KIAA2012: variants seen among roughly 807,000 people sequenced by gnomAD.
The protein encoded by KIAA2012 is uncharacterized protein KIAA2012.
A neutral mutation model predicts 150.6 loss-of-function variants in KIAA2012; 125 were observed. The observed-to-expected ratio is 0.83, with a 90% CI of 0.72 to 0.96. The LOEUF is 0.96. KIAA2012 is among the 40% of genes least tolerant of loss of function. The pLI is 0.00. For missense variants in KIAA2012, 1,219 were observed against 1,354.9 expected (o/e 0.90, Z 1.57); for synonymous variants, 462 against 504.7 (o/e 0.92, Z 1.13).
intron 2 of KIAA2012, among the ~76,000 whole-genome samples, chr2:202,085,764 A>G (rs1422277772): frequency 6.6e-6 from 1 of 152,190 alleles, no homozygotes; most frequent in Non-Finnish European, 1.5e-5. Context: ...GCAAAAATAT[A>G]TGTAAATACT....
At chr2:202,194,402 T>A in intron 21 of KIAA2012, 40 bp downstream of exon 21, 1 of 1,545,786 alleles carries the variant, frequency 6.5e-7, no homozygotes, top group Non-Finnish European at 8.7e-7. Context: ...CTCTTCTACT[T>A]GGGGCAGAAA....
At chr2:202,111,500 A>G (rs1468442873) in intron 10 of KIAA2012, among the ~76,000 whole-genome samples, 1 of 119,018 alleles carries the variant, frequency 8.4e-6, no homozygotes, top group African/African-American at 3.5e-5. Context: ...ACAGAGCAAG[A>G]CTCTGTCTCA....
At chr2:202,123,350 G>C (rs1010372372) in intron 11 of KIAA2012, among the ~76,000 whole-genome samples, 1 of 151,996 alleles carries the variant, frequency 6.6e-6, no homozygotes, top group African/African-American at 2.4e-5. Context: ...ATCTCTCTCC[G>C]TTTAATCCAG....
At chr2:202,173,914 C>A (rs1691943408) in intron 15 of KIAA2012, among the ~76,000 whole-genome samples, 2 of 152,120 alleles carry the variant, frequency 1.3e-5, no homozygotes, top group African/African-American at 4.8e-5. Flanking sequence ...CATGAAAAAC[C>A]TATAGTAAAC....
intron 13 of KIAA2012, among the ~76,000 whole-genome samples, chr2:202,148,434 G>A (rs1468665885): frequency 6.7e-6 from 1 of 149,924 alleles, no homozygotes; most frequent in Admixed American, 6.6e-5. Flanking sequence ...GCTCTTGTTT[G>A]GCTACCAAAC....
At chr2:202,199,551 C>T (rs1333937983) in intron 22 of KIAA2012, among the ~76,000 whole-genome samples, 1 of 152,114 alleles carries the variant, frequency 6.6e-6, no homozygotes, top group Non-Finnish European at 1.5e-5. Context: ...TAGAGAGAGA[C>T]ATACAATGCT....
intron 10 of KIAA2012, among the ~76,000 whole-genome samples, chr2:202,111,340 C>CAAAAAAAAA (rs67625607): frequency 1.1e-4 from 9 of 83,774 alleles, no homozygotes; most frequent in African/African-American, 3.7e-4. Flanking sequence ...ACTAAAAATA[C>CAAAAAAAAA]AAAAAAAAAA....
intron 16 of KIAA2012, 57 bp from the exon 17 acceptor site, chr2:202,186,876 T>C: frequency 6.5e-7 from 1 of 1,527,130 alleles, no homozygotes; most frequent in Non-Finnish European, 8.8e-7. Context: ...ACTTGCCCTC[T>C]TTCTTTCCAC....
chr2:202,130,691 A>T (rs7577026), intron 12 of KIAA2012, among the ~76,000 whole-genome samples: 5 of 152,092 alleles, frequency 3.3e-5, no homozygotes, highest in African/African-American at 7.2e-5. Context: ...CCAAGGCAGG[A>T]GGATCACTTG....
intron 15 of KIAA2012, among the ~76,000 whole-genome samples, chr2:202,171,816 T>G (rs1391096571): frequency 1.3e-5 from 2 of 149,268 alleles, no homozygotes; most frequent in Non-Finnish European, 3.0e-5. Flanking sequence ...CACTTAGGGG[T>G]GGAGAAAAGG....
chr2:202,199,732 T>C (rs1692477778), intron 22 of KIAA2012, among the ~76,000 whole-genome samples: 1 of 152,100 alleles, frequency 6.6e-6, no homozygotes, highest in Non-Finnish European at 1.5e-5. Context: ...TTCAAGTCGT[T>C]TTGTAGTGAG....
At chr2:202,138,657 T>C in intron 13 of KIAA2012, 149 bp downstream of exon 13, 1 of 591,322 alleles carries the variant, frequency 1.7e-6, no homozygotes, top group African/African-American at 1.9e-5. Flanking sequence ...GACTATGAAA[T>C]CACAGAGGTT....
intron 14 of KIAA2012, among the ~76,000 whole-genome samples, chr2:202,163,380 G>T (rs953996056): frequency 6.6e-6 from 1 of 152,108 alleles, no homozygotes; most frequent in African/African-American, 2.4e-5. Flanking sequence ...GGGATTACAG[G>T]CGTGAGCCAC....
At chr2:202,098,609 G>C (rs1689956135) in intron 5 of KIAA2012, among the ~76,000 whole-genome samples, 1 of 152,138 alleles carries the variant, frequency 6.6e-6, no homozygotes, top group Non-Finnish European at 1.5e-5. Context: ...CTTAGACTCA[G>C]AAAAGCCTTG....
At chr2:202,121,781 G>A (rs898091823) in intron 11 of KIAA2012, among the ~76,000 whole-genome samples, 3 of 152,154 alleles carry the variant, frequency 2.0e-5, no homozygotes, top group African/African-American at 7.2e-5. Context: ...CAGAGTCGAC[G>A]TGGAGAACAG....
At chr2:202,129,419 C>T (rs1430490332) in intron 12 of KIAA2012, among the ~76,000 whole-genome samples, 1 of 152,060 alleles carries the variant, frequency 6.6e-6, no homozygotes, top group Non-Finnish European at 1.5e-5. Context: ...AGGGTCTCAC[C>T]ATGTTGGCCA....
intron 7 of KIAA2012, among the ~76,000 whole-genome samples, chr2:202,102,136 G>C (rs535893050): frequency 1.3e-5 from 2 of 152,000 alleles, no homozygotes; most frequent in East Asian, 1.9e-4. Flanking sequence ...GAAACAGGAG[G>C]CTGTTACTAC....
chr2:202,077,494 A>C (rs149435099), intron 2 of KIAA2012, among the ~76,000 whole-genome samples: 1 of 152,346 alleles, frequency 6.6e-6, no homozygotes, highest in East Asian at 1.9e-4. Context: ...CCATCTTCTA[A>C]ATTTATAGCT....
At position 202,183,376 on chromosome 2, in the gene KIAA2012, T is replaced by C. The variant is rs1424195442; in HGVS notation, c.2120-1377T>C. ...CTGAGGTTGCAGTGAGCCGGGATTG[T>C]GCCACTGCACTCCAGCCGGGGCGAC... On this transcript the variant is annotated intron_variant, in intron 15 of 23. Transcript: ENST00000498697. 4.2e-5 allele frequency among the ~76,000 whole-genome samples: 6 copies of C among 143,884 alleles called. No individual in the cohort carries two copies. The East Asian group carries it at 1.3e-3, about 30-fold the overall frequency. 94.4% of individuals were successfully genotyped at this position (143,884 alleles called of 152,430 possible).
Sources: allele counts gnomAD v4.1 joint callset (sites outside exome capture counted in the v4.1 genomes callset), GRCh38; gene constraint gnomAD v4.1.1; transcripts MANE v1.5; gene names NCBI Gene and HGNC (gene_info 2026-07-23, HGNC 2026-07-21).